Variants in TACR1 observed in about 807,000 individuals in gnomAD.
The protein encoded by TACR1 is tachykinin receptor 1, also known as substance-P receptor.
In TACR1, 25 loss-of-function variants were observed where a neutral mutation model predicts 35.8. That is an observed-to-expected ratio of 0.70 (90% CI 0.51 to 0.98). The LOEUF is 0.98. Among genes scored for constraint, TACR1 ranks in the 50% least tolerant of loss-of-function variants. The pLI, the probability that TACR1 is intolerant of heterozygous loss-of-function variation, is 0.00. For synonymous variants in TACR1, 195 were observed against 206.7 expected (o/e 0.94, Z 0.48); for missense variants, 478 against 522.9 (o/e 0.91, Z 0.84).
At chr2:75,186,171 A>G (rs1675691495) in intron 1 of TACR1, among the ~76,000 whole-genome samples, 1 of 151,926 alleles carries the variant, frequency 6.6e-6, no homozygotes, top group South Asian at 2.1e-4. Context: ...CAAGAGATCA[A>G]CATCATCCTG....
At chr2:75,183,186 A>G (rs1675599871) in intron 1 of TACR1, among the ~76,000 whole-genome samples, 1 of 152,232 alleles carries the variant, frequency 6.6e-6, no homozygotes, top group Non-Finnish European at 1.5e-5. Flanking sequence ...CTTGTATTAA[A>G]AATAACGTTA....
At chr2:75,156,928 TAA>T (rs1674874255) in intron 1 of TACR1, among the ~76,000 whole-genome samples, 1 of 152,174 alleles carries the variant, frequency 6.6e-6, no homozygotes, top group Admixed American at 6.5e-5. Context: ...TTAAAATGAC[TAA>T]GAGAATGAGA....
At chr2:75,154,324 A>T (rs1051103034) in intron 1 of TACR1, 28 of 152,272 alleles carry the variant, frequency 1.8e-4, no homozygotes, top group African/African-American at 6.3e-4. Context: ...TGTCACAAGG[A>T]AGGACTGCTT....
At chr2:75,055,938 A>G (rs114370721) in intron 2 of TACR1, among the ~76,000 whole-genome samples, 2,045 of 152,356 alleles carry the variant, frequency 0.013, 36 homozygotes, top group South Asian at 0.062. Context: ...TCTTAGGCCA[A>G]CGGTTCTCAA....
At chr2:75,136,181 C>T (rs1186186529) in intron 1 of TACR1, among the ~76,000 whole-genome samples, 6 of 152,194 alleles carry the variant, frequency 3.9e-5, no homozygotes, top group Middle Eastern at 3.2e-3. Context: ...CCAGCCTCTT[C>T]GTTTCCAGAG....
intron 2 of TACR1, among the ~76,000 whole-genome samples, chr2:75,107,698 C>G (rs1454158323): frequency 4.6e-5 from 7 of 151,910 alleles, no homozygotes; most frequent in African/African-American, 1.7e-4. Context: ...CACTATATAT[C>G]AGCATTTATG....
At chr2:75,100,829 G>A (rs1310495511) in intron 2 of TACR1, among the ~76,000 whole-genome samples, 1 of 152,206 alleles carries the variant, frequency 6.6e-6, no homozygotes, top group African/African-American at 2.4e-5. Context: ...AGGAAATTTT[G>A]TGGTTCAGAA....
intron 1 of TACR1, among the ~76,000 whole-genome samples, chr2:75,190,161 ACT>A (rs1334981898): frequency 1.3e-5 from 2 of 152,186 alleles, no homozygotes; most frequent in African/African-American, 2.4e-5. Flanking sequence ...ATCAATTAAA[ACT>A]CACGCAGCTA....
intron 2 of TACR1, among the ~76,000 whole-genome samples, chr2:75,107,989 T>C (rs1478504776): frequency 1.3e-5 from 2 of 152,048 alleles, no homozygotes; most frequent in Non-Finnish European, 2.9e-5. Flanking sequence ...AAAGTCACTA[T>C]GAAATAGATT....
rs536126559 is a variant in TACR1, at chr2:75,116,670, A to C, written c.584+3904T>G. Among the ~76,000 whole-genome samples the C allele has an allele frequency of 3.3e-5, 5 of 152,202 alleles. No individual in the cohort carries two copies. In the East Asian group the frequency reaches 7.7e-4, roughly 24 times the overall value. On this transcript the variant is annotated intron_variant, in intron 2 of 4. Coordinates refer to ENST00000305249, the MANE Select transcript of TACR1 (RefSeq NM_001058.4). Reference sequence around the variant, plus strand: ...ATGCCTGCAATCCCAGCACTTTGGGAGGGCAAGGCCGGCGGATCACCTGAG... The same window carrying C: ...ATGCCTGCAATCCCAGCACTTTGGGCGGGCAAGGCCGGCGGATCACCTGAG...
chr2:75,133,947 A>T (rs1003412810), intron 1 of TACR1, among the ~76,000 whole-genome samples: 1 of 152,198 alleles, frequency 6.6e-6, no homozygotes, highest in Non-Finnish European at 1.5e-5. Flanking sequence ...AAGATGGCGA[A>T]GAGACTTCTT....
chr2:75,196,552 A>T (rs1424615023), intron 1 of TACR1, among the ~76,000 whole-genome samples: 2 of 152,130 alleles, frequency 1.3e-5, no homozygotes, highest in African/African-American at 4.8e-5. Context: ...CTGAGCAGGT[A>T]TCACAGAGGG....
At chr2:75,190,977 A>G (rs1434488691) in intron 1 of TACR1, among the ~76,000 whole-genome samples, 3 of 152,246 alleles carry the variant, frequency 2.0e-5, no homozygotes, top group South Asian at 2.1e-4. Context: ...AGGGCTGCTT[A>G]GACAAATTAA....
intron 2 of TACR1, among the ~76,000 whole-genome samples, chr2:75,062,402 T>C (rs1672688581): frequency 1.3e-5 from 2 of 152,322 alleles, no homozygotes; most frequent in East Asian, 1.9e-4. Flanking sequence ...CTCATATTTG[T>C]ACACACATAA....
Position 75,198,583 on chromosome 2 carries a change from C to T in TACR1, c.352G>A (p.Ala118Thr). 2 of 1,614,116 alleles carry T rather than the reference C, an allele frequency of 1.2e-6. No homozygotes were observed. Among genetic ancestry groups the T allele is most frequent in the Admixed American group, 1.7e-5 (1 of 60,024 alleles). ...ACAGCCGTCATGGAGTAGATACTGG[C>T]GAAGACAGCGGCGATGGGAAAGAAG... ...HNFFPIAAVF[A>T]SIYSMTAVAF... The change falls in exon 1 of 5, where the codon GCC (alanine) becomes ACC (threonine). Residue 118 changes from alanine to threonine, a missense_variant. Coordinates refer to ENST00000305249, the MANE Select transcript of TACR1 (RefSeq NM_001058.4).
chr2:75,087,950 A>G (rs1043084872), intron 2 of TACR1, among the ~76,000 whole-genome samples: 6 of 152,214 alleles, frequency 3.9e-5, no homozygotes, highest in African/African-American at 1.4e-4. Flanking sequence ...AGTGGCAGGC[A>G]TGAAGGGATT....
intron 2 of TACR1, among the ~76,000 whole-genome samples, chr2:75,094,294 A>G (rs1041100268): frequency 6.6e-6 from 1 of 152,232 alleles, no homozygotes; most frequent in East Asian, 1.9e-4. Context: ...GAATTAAAAT[A>G]AAGAGAAGTA....
intron 2 of TACR1, among the ~76,000 whole-genome samples, chr2:75,084,944 C>T (rs913552288): frequency 3.3e-5 from 5 of 152,052 alleles, no homozygotes; most frequent in African/African-American, 9.7e-5. Flanking sequence ...CCGCTCTGAT[C>T]TTAGTTATTT....
At chr2:75,125,211 T>A (rs934560428) in intron 1 of TACR1, among the ~76,000 whole-genome samples, 2 of 152,024 alleles carry the variant, frequency 1.3e-5, no homozygotes, top group African/African-American at 4.8e-5. Context: ...TGAGATGGAG[T>A]CTCGCTCTGT....
Sources: allele counts gnomAD v4.1 joint callset (sites outside exome capture counted in the v4.1 genomes callset), GRCh38; gene constraint gnomAD v4.1.1; transcripts MANE v1.5; gene names NCBI Gene and HGNC (gene_info 2026-07-23, HGNC 2026-07-21).